C10orf67: variants seen among roughly 807,000 people sequenced by gnomAD.
The protein encoded by C10orf67 is chromosome 10 open reading frame 67.
C10orf67 carries 60 observed loss-of-function variants against 35.6 expected under a neutral mutation model. That is an observed-to-expected ratio of 1.68 (90% CI 1.37 to 2.09). The LOEUF (loss-of-function observed/expected upper bound fraction) is 2.09. Among genes scored for constraint, C10orf67 ranks in the 30% most tolerant of loss-of-function variants. C10orf67 has a pLI of 0.00. For missense variants in C10orf67, 474 were observed against 330.2 expected, an observed-to-expected ratio of 1.44 and a Z score of -3.38; for synonymous variants, 167 against 115.8, an observed-to-expected ratio of 1.44 and a Z score of -2.84.
In C10orf67 at chr10:23,270,668, C is replaced by T. The variant is rs146706171; in HGVS notation, c.976-3414G>A. On this transcript the variant is annotated intron_variant, in intron 8 of 15. Coordinates refer to ENST00000636213, the MANE Select transcript of C10orf67 (RefSeq NM_001371909.1). The stretch of plus-strand genomic sequence containing the variant: ...ACAGACAGCAGCAACAGGCTGGAGA[C>T]GGCCTGAGATGGACCAAATTCCCAG... Among the ~76,000 whole-genome samples, 497 of 152,346 alleles carry T rather than the reference C, an allele frequency of 3.3e-3. 1 individual carries two copies. The highest frequency in any genetic ancestry group is 4.6e-3 in the Non-Finnish European group (315 of 68,026).
At chr10:23,339,402 CAAAAAAAAAAA>C (rs34805547) in intron 1 of C10orf67, among the ~76,000 whole-genome samples, 6 of 72,332 alleles carry the variant, frequency 8.3e-5, no homozygotes, top group South Asian at 6.3e-4. Flanking sequence ...AAAAAGGCAG[CAAAAAAAAAAA>C]AAAAAAAAAA....
At chr10:23,250,025 A>G (rs1418312577) in intron 12 of C10orf67, among the ~76,000 whole-genome samples, 1 of 152,230 alleles carries the variant, frequency 6.6e-6, no homozygotes, top group African/African-American at 2.4e-5. Context: ...TGTGAGTGAA[A>G]AATAGATTTG....
At chr10:23,307,252 C>G (rs1844321021) in intron 4 of C10orf67, among the ~76,000 whole-genome samples, 2 of 152,132 alleles carry the variant, frequency 1.3e-5, no homozygotes, top group African/African-American at 4.8e-5. Flanking sequence ...AGTTTGGACT[C>G]TTTTTGAAAT....
chr10:23,340,566 T>TC (rs1845847814), intron 1 of C10orf67, among the ~76,000 whole-genome samples: 1 of 152,248 alleles, frequency 6.6e-6, no homozygotes, highest in South Asian at 2.1e-4. Flanking sequence ...CCCATGACTC[T>TC]CCGATTTCAC....
At chr10:23,241,320 AG>A (rs1228332176) in intron 12 of C10orf67, among the ~76,000 whole-genome samples, 1 of 152,250 alleles carries the variant, frequency 6.6e-6, no homozygotes, top group Non-Finnish European at 1.5e-5. Flanking sequence ...AATTATAACC[AG>A]AGTCTCACCA....
At chr10:23,255,677 T>C (rs1842580182) in intron 10 of C10orf67, among the ~76,000 whole-genome samples, 1 of 152,100 alleles carries the variant, frequency 6.6e-6, no homozygotes. Context: ...CTATTAAATA[T>C]GATGAAGCCA....
chr10:23,214,003 A>G (rs981798778), intron 15 of C10orf67, among the ~76,000 whole-genome samples: 1 of 152,082 alleles, frequency 6.6e-6, no homozygotes, highest in Non-Finnish European at 1.5e-5. Flanking sequence ...AAAATGAAAA[A>G]GATACAATGC....
At chr10:23,221,942 C>T (rs1040363828) in intron 15 of C10orf67, among the ~76,000 whole-genome samples, 35 of 152,208 alleles carry the variant, frequency 2.3e-4, no homozygotes, top group East Asian at 2.1e-3. Flanking sequence ...AGATTGAATA[C>T]GAGGAAATTT....
At chr10:23,338,619 A>G (rs1845773815) in intron 1 of C10orf67, among the ~76,000 whole-genome samples, 1 of 152,202 alleles carries the variant, frequency 6.6e-6, no homozygotes, top group Non-Finnish European at 1.5e-5. Context: ...AGCAAAAGAC[A>G]GGCAGCAATG....
intron 4 of C10orf67, among the ~76,000 whole-genome samples, chr10:23,314,700 T>C (rs1450692612): frequency 1.3e-5 from 2 of 152,166 alleles, no homozygotes; most frequent in Non-Finnish European, 1.5e-5. Context: ...CACTTTTTTT[T>C]CAGCTATAGG....
At chr10:23,304,830 ATCT>A (rs1461502615) in intron 4 of C10orf67, among the ~76,000 whole-genome samples, 2 of 152,152 alleles carry the variant, frequency 1.3e-5, no homozygotes, top group East Asian at 3.9e-4. Flanking sequence ...AACCTGAAGA[ATCT>A]TCTTTACCCA....
At chr10:23,249,101 G>A (rs545485665) in intron 12 of C10orf67, among the ~76,000 whole-genome samples, 71 of 114,688 alleles carry the variant, frequency 6.2e-4, no homozygotes, top group Non-Finnish European at 8.2e-4. Context: ...CTGCACTCCA[G>A]CCTGGGCAAC....
intron 5 of C10orf67, 45 bp downstream of exon 5, chr10:23,303,259 T>A (rs1407196891): frequency 4.3e-6 from 2 of 462,752 alleles, no homozygotes; most frequent in Non-Finnish European, 7.8e-6. Flanking sequence ...TTTATGACTT[T>A]ATTTATGTAT....
At chr10:23,264,481 A>G (rs1842834945) in intron 10 of C10orf67, among the ~76,000 whole-genome samples, 1 of 152,210 alleles carries the variant, frequency 6.6e-6, no homozygotes. Context: ...CACAATCATT[A>G]GAGTCACAGG....
intron 12 of C10orf67, among the ~76,000 whole-genome samples, chr10:23,247,132 T>C (rs1842336885): frequency 6.6e-6 from 1 of 152,188 alleles, no homozygotes; most frequent in African/African-American, 2.4e-5. Flanking sequence ...AAAAATATTT[T>C]TTTTTTGGTA....
At chr10:23,292,097 C>G (rs1281444942) in intron 5 of C10orf67, among the ~76,000 whole-genome samples, 1 of 150,940 alleles carries the variant, frequency 6.6e-6, no homozygotes, top group East Asian at 1.9e-4. Flanking sequence ...TTAAATCTTG[C>G]CATGTCCATT....
chr10:23,267,911 A>G (rs889279213), intron 8 of C10orf67, among the ~76,000 whole-genome samples: 6 of 145,478 alleles, frequency 4.1e-5, no homozygotes, highest in African/African-American at 1.2e-4. Context: ...CAAAAAAAAG[A>G]AAAAAAAAAA....
chr10:23,344,746 T>C lies in C10orf67; in HGVS notation c.29A>G (p.His10Arg). 1 of 1,570,014 alleles carries C rather than the reference T, an allele frequency of 6.4e-7. No individual in the cohort carries two copies. The change falls in exon 1 of 16, where the codon CAT becomes CGT. Residue 10 changes from histidine to arginine, a missense_variant. Coordinates refer to ENST00000636213, the MANE Select transcript of C10orf67 (RefSeq NM_001371909.1). MALVRDRRAHYVMSIVIRWV... is the reference protein window; with the variant it reads MALVRDRRARYVMSIVIRWV... ...TCTAATAACTATGCTCATGACATAATGAGCCCTGCGATCCCGGACCAAGGC... is the reference window on the plus strand; with the variant it reads ...TCTAATAACTATGCTCATGACATAACGAGCCCTGCGATCCCGGACCAAGGC...
intron 10 of C10orf67, among the ~76,000 whole-genome samples, chr10:23,255,824 C>T (rs112273242): frequency 1.3e-3 from 199 of 152,170 alleles, no homozygotes; most frequent in African/African-American, 4.5e-3. Flanking sequence ...CTAAATTCAA[C>T]GGTATGGAAT....
Sources: gnomAD v4.1 joint callset for allele counts (sites outside exome capture counted in the v4.1 genomes callset) on GRCh38, gnomAD v4.1.1 for gene constraint, MANE v1.5 for transcripts, NCBI Gene and HGNC (gene_info 2026-07-23, HGNC 2026-07-21) for gene names.